The following CAPNS1 variants were observed in gnomAD, a reference collection of about 807,000 sequenced individuals.
CAPNS1 encodes CANP small subunit.
In CAPNS1, 32 loss-of-function variants were observed where a neutral mutation model predicts 39.2. The observed-to-expected ratio is 0.82, with a 90% CI of 0.62 to 1.10. The LOEUF is 1.10. CAPNS1 is among the 50% of genes least tolerant of loss of function. The pLI, the probability that CAPNS1 is intolerant of heterozygous loss-of-function variation, is 0.00. For missense variants in CAPNS1, 353 were observed against 373.1 expected (o/e 0.95, Z 0.44); for synonymous variants, 153 against 136.2 (o/e 1.12, Z -0.86).
At chr19:36,149,748 G>C (rs776517083) in intron 10 of CAPNS1, 65 bp from the exon 11 acceptor site, 2 of 1,590,318 alleles carry the variant, frequency 1.3e-6, no homozygotes, top group Non-Finnish European at 1.7e-6. Flanking sequence ...CCGTCCCTGG[G>C]TGAGGGCAAA....
chr19:36,143,697 C>CA (rs35391713), intron 6 of CAPNS1, among the ~76,000 whole-genome samples: 1,876 of 118,692 alleles, frequency 0.016, 17 homozygotes, highest in East Asian at 0.052. Context: ...CTGTCTCTAC[C>CA]AAAAAAAAAA....
At position 36,150,150 on chromosome 19, in the gene CAPNS1, G is replaced by T. The variant is rs1599888192; in HGVS notation, c.*311G>T. 15 of 305,692 alleles carry T rather than the reference G, an allele frequency of 4.9e-5. No homozygotes were observed. The East Asian group carries it at 8.0e-4, about 16-fold the overall frequency. 18.9% of individuals were successfully genotyped at this position (305,692 alleles called of 1,614,324 possible). On this transcript the variant is annotated 3_prime_UTR_variant, in exon 11 of 11. Transcript: ENST00000246533. The stretch of plus-strand genomic sequence containing the variant: ...CTGTGCCAAGCCTAGCACTTGTGAT[G>T]CCTCCATGCCCCGAGGGCCCTCTCT...
chr19:36,143,527 G>A (rs1194882537), intron 6 of CAPNS1, among the ~76,000 whole-genome samples: 7 of 151,956 alleles, frequency 4.6e-5, no homozygotes, highest in Admixed American at 3.3e-4. Context: ...AGGAGTTTGA[G>A]ACCAGCCTGG....
chr19:36,145,729 A>G, intron 6 of CAPNS1, 77 bp from the exon 7 acceptor site: 1 of 1,295,562 alleles, frequency 7.7e-7, no homozygotes, highest in Non-Finnish European at 1.1e-6. Flanking sequence ...TGCTTGCTGT[A>G]TCACCATCGT....
At chr19:36,140,831 C>G in intron 1 of CAPNS1, 166 bp from the exon 2 acceptor site, 1 of 983,642 alleles carries the variant, frequency 1.0e-6, no homozygotes. Flanking sequence ...CAAACCTGAT[C>G]CCCCATACCT....
At chr19:36,145,703 TC>T in intron 6 of CAPNS1, 102 bp from the exon 7 acceptor site, 3 of 962,440 alleles carry the variant, frequency 3.1e-6, no homozygotes, top group Non-Finnish European at 4.8e-6. Flanking sequence ...AGCTGGAGTT[TC>T]AGCCCTGGCT....
rs148900101 is a variant in CAPNS1 at position 36,146,003 on chromosome 19, C to T, written c.553C>T (p.Arg185Ter). The T allele has an allele frequency of 1.0e-4, 167 of 1,614,056 alleles. No homozygotes were observed. Among genetic ancestry groups the T allele is most frequent in the Admixed American group, 1.8e-4 (11 of 59,998 alleles). Residue 185 changes from arginine (R) to a stop codon, truncating the protein, a stop_gained, in exon 8 of 11, where the codon CGA (arginine) becomes TGA (stop). Transcript: ENST00000246533. LOFTEE classifies it high-confidence loss of function. ...QAIYKQFDTD[R>*]SGTICSSELP... The stretch of plus-strand genomic sequence containing the variant: ...CATATACAAACAGTTCGACACTGAC[C>T]GATCAGGGACCATTTGCAGTAGTGA...
intron 9 of CAPNS1, among the ~76,000 whole-genome samples, chr19:36,148,525 A>AAAAGG (rs1185743786): frequency 1.3e-5 from 2 of 149,900 alleles, no homozygotes; most frequent in East Asian, 3.9e-4. Flanking sequence ...AAAAAAAAAA[A>AAAAGG]AAGGGCTGGG....
At chr19:36,141,455 G>A in intron 2 of CAPNS1, 3 of 1,297,518 alleles carry the variant, frequency 2.3e-6, no homozygotes, top group Non-Finnish European at 2.9e-6. Flanking sequence ...GTCTGATTGT[G>A]TGGGACCAGG....
intron 6 of CAPNS1, 88 bp downstream of exon 6, chr19:36,143,216 A>T: frequency 2.6e-6 from 3 of 1,134,700 alleles, no homozygotes; most frequent in South Asian, 1.2e-5. Context: ...TAGCTTTCAT[A>T]TCCACAGATG....
rs761541950 is a variant in CAPNS1 at position 36,141,069 on chromosome 19, G to A, written c.58G>A (p.Gly20Ser). The A allele has an allele frequency of 6.6e-7, 1 of 1,505,758 alleles. No individual in the cohort carries two copies. The highest frequency in any genetic ancestry group is 8.9e-7 in the Non-Finnish European group (1 of 1,122,244). The allele number at this position is 1,505,758 out of a possible 1,614,324, so 93.3% of individuals were successfully genotyped here. The change falls in exon 2 of 11, where the codon GGC becomes AGC. Residue 20 changes from glycine (G) to serine (S), a missense_variant. By Grantham distance (56) the Gly-to-Ser change is moderately conservative. Transcript: ENST00000246533. ...GGGGGGGGGG[G>S]LGGGLGNVLG... Reference sequence around the variant, plus strand: ...CGGCGGCGGCGGCGGGGGAGGCGGGGGCCTGGGTGGGGGCCTGGGAAATGT... The same window carrying A: ...CGGCGGCGGCGGCGGGGGAGGCGGGAGCCTGGGTGGGGGCCTGGGAAATGT...
chr19:36,147,456 G>A (rs1472749109), intron 9 of CAPNS1, among the ~76,000 whole-genome samples: 2 of 152,190 alleles, frequency 1.3e-5, no homozygotes, highest in African/African-American at 4.8e-5. Context: ...ACAGGGTCAG[G>A]TTTGGCTTTA....
intron 6 of CAPNS1, among the ~76,000 whole-genome samples, chr19:36,143,537 G>T (rs1262673786): frequency 1.3e-5 from 2 of 151,960 alleles, no homozygotes; most frequent in African/African-American, 4.8e-5. Flanking sequence ...GACCAGCCTG[G>T]CCAACATGGT....
intron 8 of CAPNS1, 45 bp from the exon 9 acceptor site, chr19:36,146,151 T>C (rs756136089): frequency 1.3e-6 from 2 of 1,577,278 alleles, no homozygotes; most frequent in African/African-American, 2.7e-5. Flanking sequence ...TGGGAGTGGG[T>C]TGGGCCATGT....
chr19:36,148,511 TAAA>T (rs74172784), intron 9 of CAPNS1, among the ~76,000 whole-genome samples: 3 of 120,424 alleles, frequency 2.5e-5, no homozygotes, highest in African/African-American at 3.2e-5. Flanking sequence ...AGACACCGTC[TAAA>T]AAAAAAAAAA....
At position 36,146,023 on chromosome 19, in the gene CAPNS1, T is replaced by C. The variant is rs1441097108; in HGVS notation, c.573T>C (p.Ser191=). 8 of 1,613,980 alleles carry C rather than the reference T, an allele frequency of 5.0e-6. No individual in the cohort carries two copies. Among genetic ancestry groups the C allele is most frequent in the Non-Finnish European group, 5.9e-6 (7 of 1,180,026 alleles). ...FDTDRSGTIC[S]SELPGAFEAA... is the part of the protein sequence containing the mutation. Reference sequence around the variant, plus strand: ...CTGACCGATCAGGGACCATTTGCAGTAGTGAACTCCCAGGTGCCTTTGAGG... The same window carrying C: ...CTGACCGATCAGGGACCATTTGCAGCAGTGAACTCCCAGGTGCCTTTGAGG... Residue 191 remains serine (S), a synonymous_variant, in exon 8 of 11, where the codon AGT becomes AGC. Coordinates refer to ENST00000246533, the MANE Select transcript of CAPNS1 (RefSeq NM_001749.4).
At chr19:36,142,871 T>C in intron 4 of CAPNS1, 38 bp from the exon 5 acceptor site, 1 of 1,612,250 alleles carries the variant, frequency 6.2e-7, no homozygotes, top group South Asian at 1.1e-5. Context: ...CAGACCCCTT[T>C]CAGTCACCCC....
intron 6 of CAPNS1, among the ~76,000 whole-genome samples, chr19:36,144,758 T>C (rs1974504326): frequency 6.6e-6 from 1 of 152,150 alleles, no homozygotes; most frequent in Non-Finnish European, 1.5e-5. Context: ...ACATATTGCA[T>C]AGAGCAAAGC....
rs201399027 is a variant in CAPNS1 at position 36,142,382 on chromosome 19, G to C, written c.243+49G>C. 5 of 989,060 alleles carry C rather than the reference G, an allele frequency of 5.1e-6. No individual in the cohort carries two copies. In the Admixed American group the frequency reaches 6.8e-5, roughly 13 times the overall value. 61.3% of individuals were successfully genotyped at this position (989,060 alleles called of 1,614,324 possible). On this transcript the variant is annotated intron_variant, in intron 3 of 10. Coordinates refer to ENST00000246533, the MANE Select transcript of CAPNS1 (RefSeq NM_001749.4). Reference sequence around the variant, plus strand: ...CCCCTTCTCCTGCCAAGGCCTCTTCGAGGTCCCATCCCTGTTCCTGTAGAG... The same window carrying C: ...CCCCTTCTCCTGCCAAGGCCTCTTCCAGGTCCCATCCCTGTTCCTGTAGAG...
Sources: allele counts gnomAD v4.1 joint callset (sites outside exome capture counted in the v4.1 genomes callset), GRCh38; gene constraint gnomAD v4.1.1; transcripts MANE v1.5; gene names NCBI Gene and HGNC (gene_info 2026-07-23, HGNC 2026-07-21).